DIP2C: variants seen among roughly 807,000 people sequenced by gnomAD.
The protein encoded by DIP2C is disco-interacting protein 2 homolog C.
In DIP2C, 33 loss-of-function variants were observed where a neutral mutation model predicts 192.4. That is an observed-to-expected ratio of 0.17 (90% CI 0.13 to 0.23). The LOEUF is 0.23. DIP2C is among the 10% of genes least tolerant of loss of function. The probability of loss-of-function intolerance (pLI) is 1.00; values close to 1 mark genes in which losing one functional copy is unlikely to be tolerated. For synonymous variants in DIP2C, 979 were observed against 864.1 expected (o/e 1.13, Z -2.33); for missense variants, 1,537 against 2,110.1 (o/e 0.73, Z 5.32).
At chr10:626,438 C>G (rs1430974433) in intron 1 of DIP2C, among the ~76,000 whole-genome samples, 1 of 151,780 alleles carries the variant, frequency 6.6e-6, no homozygotes, top group African/African-American at 2.4e-5. Context: ...CGGTGTTACC[C>G]TCCGTCCCCC....
At chr10:444,647 C>T (rs2133286742) in intron 3 of DIP2C, among the ~76,000 whole-genome samples, 2 of 152,290 alleles carry the variant, frequency 1.3e-5, no homozygotes, top group South Asian at 4.1e-4. Flanking sequence ...TATTCCGTCA[C>T]CTGACACTCG....
chr10:324,622 A>G (rs955340844), intron 31 of DIP2C: 1 of 182,486 alleles, frequency 5.5e-6, no homozygotes, highest in Admixed American at 5.9e-5. Context: ...ATTGCAAAAT[A>G]ACGCCATGAC....
At position 390,376 on chromosome 10, in the gene DIP2C, T is replaced by TG; in HGVS notation, c.1385-4dup. The TG allele has an allele frequency of 6.2e-7, 1 of 1,613,634 alleles. No individual in the cohort carries two copies. The highest frequency in any genetic ancestry group is 8.5e-7 in the Non-Finnish European group (1 of 1,179,770). On this transcript the variant is annotated splice_region_variant and splice_polypyrimidine_tract_variant and intron_variant, in intron 11 of 36. Coordinates refer to ENST00000280886, the MANE Select transcript of DIP2C (RefSeq NM_014974.3). ...AAACCACAGCAGCTTTGGCCAACCT[T>TG]GGAAATAAACAACAAGTTCCTTTTA...
At position 323,437 on chromosome 10, in the gene DIP2C, G is replaced by A. The variant is rs562444481; in HGVS notation, c.3924+3569C>T. 2.1e-3 allele frequency among the ~76,000 whole-genome samples: 136 copies of A among 63,448 alleles called. 12 individuals are homozygous for A. The highest frequency in any genetic ancestry group is 3.0e-3 in the Admixed American group (19 of 6,378). The allele number at this position is 63,448 out of a possible 152,430, so 41.6% of individuals were successfully genotyped here. On this transcript the variant is annotated intron_variant, in intron 31 of 36. Coordinates refer to ENST00000280886, the MANE Select transcript of DIP2C (RefSeq NM_014974.3). ...CGGCGCTGTTAGAACAGTCAGTCGGGGGTGCGGGGCTCCAGCGAGAGACCA... is the reference window on the plus strand; with the variant it reads ...CGGCGCTGTTAGAACAGTCAGTCGGAGGTGCGGGGCTCCAGCGAGAGACCA...
At chr10:376,577 A>G (rs1961624459) in intron 17 of DIP2C, among the ~76,000 whole-genome samples, 1 of 150,090 alleles carries the variant, frequency 6.7e-6, no homozygotes, top group Non-Finnish European at 1.5e-5. Context: ...TTTTTTTTAA[A>G]CAGGGCAGCT....
chr10:419,370 G>T (rs1342155758), intron 5 of DIP2C, among the ~76,000 whole-genome samples, 171 bp from the exon 6 acceptor site: 1 of 152,202 alleles, frequency 6.6e-6, no homozygotes, highest in Non-Finnish European at 1.5e-5. Flanking sequence ...CACAAAGGGG[G>T]ACCCCAGCAT....
At chr10:437,164 T>C (rs1232735751) in intron 4 of DIP2C, among the ~76,000 whole-genome samples, 2 of 143,800 alleles carry the variant, frequency 1.4e-5, no homozygotes, top group Admixed American at 6.9e-5. Context: ...CTGGACATGG[T>C]AGGGTGATAT....
intron 1 of DIP2C, among the ~76,000 whole-genome samples, chr10:574,623 C>T (rs986370648): frequency 2.0e-5 from 3 of 152,200 alleles, no homozygotes; most frequent in Non-Finnish European, 4.4e-5. Context: ...ACTCAAGAGA[C>T]CCTGATTCTT....
chr10:305,264 CAT>C (rs1252445060), intron 32 of DIP2C, among the ~76,000 whole-genome samples: 1 of 152,218 alleles, frequency 6.6e-6, no homozygotes, highest in Non-Finnish European at 1.5e-5. Flanking sequence ...CTCATATTCA[CAT>C]GTGCAGACAC....
intron 1 of DIP2C, among the ~76,000 whole-genome samples, chr10:627,759 G>A (rs2131867029): frequency 1.3e-5 from 2 of 152,388 alleles, no homozygotes; most frequent in South Asian, 4.1e-4. Flanking sequence ...GCTCCTGCCA[G>A]ACGTCACAAA....
intron 3 of DIP2C, among the ~76,000 whole-genome samples, chr10:462,277 C>G (rs1969848684): frequency 6.6e-6 from 1 of 152,036 alleles, no homozygotes; most frequent in South Asian, 2.1e-4. Flanking sequence ...AATAGATAGA[C>G]CACTAGCCAG....
intron 24 of DIP2C, among the ~76,000 whole-genome samples, chr10:355,306 A>AAG (rs1959029213): frequency 6.6e-6 from 1 of 152,246 alleles, no homozygotes; most frequent in African/African-American, 2.4e-5. Context: ...CTTCTCTGGC[A>AAG]GAGGAGGAGG....
At chr10:279,117 G>A (rs1954675255) in intron 36 of DIP2C, among the ~76,000 whole-genome samples, 1 of 152,184 alleles carries the variant, frequency 6.6e-6, no homozygotes, top group Admixed American at 6.5e-5. Context: ...ATTCTCAACA[G>A]TTCTCCTGGA....
chr10:449,637 CGGGGGAG>C (rs1274765602), intron 3 of DIP2C, among the ~76,000 whole-genome samples: 1 of 46,032 alleles, frequency 2.2e-5, no homozygotes, highest in African/African-American at 9.9e-5. Context: ...GTGGTGGGGT[CGGGGGAG>C]GGGGGAGGGA....
At chr10:677,476 TAAAA>T (rs1830915942) in intron 1 of DIP2C, among the ~76,000 whole-genome samples, 1 of 152,126 alleles carries the variant, frequency 6.6e-6, no homozygotes. Context: ...CCAAAGTAAA[TAAAA>T]AGAGAAAATG....
At chr10:596,158 CG>C (rs1440227778) in intron 1 of DIP2C, among the ~76,000 whole-genome samples, 33 of 152,142 alleles carry the variant, frequency 2.2e-4, no homozygotes, top group Middle Eastern at 3.4e-3. Context: ...TCACAGATAA[CG>C]TTTTAAAAAA....
Position 670,158 on chromosome 10 carries a change from G to A in DIP2C, c.85+19336C>T, listed in dbSNP as rs541251799. 4.6e-5 allele frequency among the ~76,000 whole-genome samples: 7 copies of A among 151,896 alleles called. No homozygotes were observed. The East Asian group carries it at 1.2e-3, about 25-fold the overall frequency. On this transcript the variant is annotated intron_variant, in intron 1 of 36. Transcript: ENST00000280886. ...CGCATACACGTGTACACATATGCAC[G>A]TGCGCACATGCATGAACATGTACAC...
At position 601,314 on chromosome 10, in the gene DIP2C, T is replaced by A. The variant is rs184421737; in HGVS notation, c.85+88180A>T. ...ACATTAAGGTTTACAACACTCAAAA[T>A]TTAAAACTACATCCATGCTTCAAAA... On this transcript the variant is annotated intron_variant, in intron 1 of 36. Transcript: ENST00000280886. Among the ~76,000 whole-genome samples, 217 of 152,128 alleles carry A rather than the reference T, an allele frequency of 1.4e-3. 1 individual carries two copies. The highest frequency in any genetic ancestry group is 4.9e-3 in the African/African-American group (203 of 41,518).
intron 1 of DIP2C, among the ~76,000 whole-genome samples, chr10:685,936 G>A (rs1169505340): frequency 3.6e-5 from 3 of 83,080 alleles, no homozygotes; most frequent in Non-Finnish European, 5.4e-5. Flanking sequence ...ACTCCAGCAT[G>A]GGAGACAGAG....
Sources: allele counts gnomAD v4.1 joint callset (sites outside exome capture counted in the v4.1 genomes callset), GRCh38; gene constraint gnomAD v4.1.1; transcripts MANE v1.5; gene names NCBI Gene and HGNC (gene_info 2026-07-23, HGNC 2026-07-21).